HMGN4: variants seen among roughly 807,000 people sequenced by gnomAD.
HMGN4 encodes high mobility group nucleosomal binding domain 4.
For synonymous variants in HMGN4, 39 were observed against 39.1 expected (o/e 1.00, Z 0.01); for missense variants, 69 against 104.9 (o/e 0.66, Z 1.49).
rs979398001 is a variant in HMGN4 at position 26,545,885 on chromosome 6, C to G, written c.*406C>G. 1 of 167,538 alleles carries G rather than the reference C, an allele frequency of 6.0e-6. No individual in the cohort carries two copies. The highest frequency in any genetic ancestry group is 1.5e-5 in the Non-Finnish European group (1 of 68,490). The allele number at this position is 167,538 out of a possible 1,614,324, so 10.4% of individuals were successfully genotyped here. A position where few individuals can be genotyped will look rare whatever the true frequency, so the allele number is the denominator to read the frequency against. On this transcript the variant is annotated 3_prime_UTR_variant, in exon 2 of 2. Coordinates refer to ENST00000377575, the MANE Select transcript of HMGN4 (RefSeq NM_006353.3). ...ACCGAGAGTTTTGATGTGGCCTTGG[C>G]AACCCTAAAATCAGCTGTGTTAGGT...
chr6:26,541,594 A>T (rs1471147012), intron 1 of HMGN4, among the ~76,000 whole-genome samples: 1 of 152,012 alleles, frequency 6.6e-6, no homozygotes, highest in Admixed American at 6.6e-5. Context: ...TAAGTACACC[A>T]GTAATATTGA....
chr6:26,545,562 G>A lies in HMGN4; in HGVS notation c.*83G>A. 7.2e-7 allele frequency: 1 copy of A among 1,394,708 alleles called. No homozygotes were observed. Among genetic ancestry groups the A allele is most frequent in the Non-Finnish European group, 9.6e-7 (1 of 1,047,054 alleles). The allele number at this position is 1,394,708 out of a possible 1,614,324, so 86.4% of individuals were successfully genotyped here. A position where few individuals can be genotyped will look rare whatever the true frequency, so the allele number is the denominator to read the frequency against. ...TTTTTAAATCAAGTTTTATAAAAGTGTAGAATTTTGGCTTTTTTAAGTTAT... is the reference window on the plus strand; with the variant it reads ...TTTTTAAATCAAGTTTTATAAAAGTATAGAATTTTGGCTTTTTTAAGTTAT... On this transcript the variant is annotated 3_prime_UTR_variant, in exon 2 of 2. Coordinates refer to ENST00000377575, the MANE Select transcript of HMGN4 (RefSeq NM_006353.3).
At chr6:26,539,634 T>TAAAAAAAAAAAAAAAAAAAAAAAAA (rs61003052) in intron 1 of HMGN4, among the ~76,000 whole-genome samples, 1 of 125,194 alleles carries the variant, frequency 8.0e-6, no homozygotes, top group Non-Finnish European at 1.6e-5. Context: ...TCCGCAAAAT[T>TAAAAAAAAAAAAAAAAAAAAAAAAA]AAAAAAAAAA....
At chr6:26,544,570 A>T (rs12189841) in intron 1 of HMGN4, among the ~76,000 whole-genome samples, 11,241 of 152,130 alleles carry the variant, frequency 0.074, 701 homozygotes, top group Non-Finnish European at 0.099. Flanking sequence ...ACCTCCAAGA[A>T]TCCCTCTAAG....
rs1764341312 is a variant in HMGN4 at position 26,545,695 on chromosome 6, C to T, written c.*216C>T. 3.2e-6 allele frequency: 1 copy of T among 313,950 alleles called. No individual in the cohort carries two copies. The highest frequency in any genetic ancestry group is 2.2e-5 in the African/African-American group (1 of 46,320). 19.4% of individuals were successfully genotyped at this position (313,950 alleles called of 1,614,324 possible). On this transcript the variant is annotated 3_prime_UTR_variant, in exon 2 of 2. Coordinates refer to ENST00000377575, the MANE Select transcript of HMGN4 (RefSeq NM_006353.3). ...TTGAAATAAGGGAAAATAGGATTTT[C>T]TGTCCTGGTTTTTGAAGATTGTTCT...
chr6:26,540,908 G>A (rs1764280969), intron 1 of HMGN4, among the ~76,000 whole-genome samples: 1 of 152,154 alleles, frequency 6.6e-6, no homozygotes, highest in Non-Finnish European at 1.5e-5. Flanking sequence ...CTAGGGATGA[G>A]GTGAAAATGA....
intron 1 of HMGN4, among the ~76,000 whole-genome samples, chr6:26,544,602 G>C (rs777368128): frequency 6.6e-6 from 1 of 152,138 alleles, no homozygotes. Context: ...AAGTAAAATT[G>C]CTTTACACAA....
intron 1 of HMGN4, among the ~76,000 whole-genome samples, chr6:26,541,728 T>G (rs570245774): frequency 6.6e-6 from 1 of 152,346 alleles, no homozygotes; most frequent in African/African-American, 2.4e-5. Flanking sequence ...ATGCAAGTCT[T>G]CATGCTAACA....
At chr6:26,539,391 TC>T (rs1216899213) in intron 1 of HMGN4, among the ~76,000 whole-genome samples, 1 of 152,102 alleles carries the variant, frequency 6.6e-6, no homozygotes, top group Admixed American at 6.5e-5. Context: ...TGCCTCAGGC[TC>T]CCGAGCAGCT....
chr6:26,542,849 C>T lies in HMGN4; in HGVS notation c.-80-2278C>T, dbSNP rs568051146. Among the ~76,000 whole-genome samples, 19 of 152,256 alleles carry T rather than the reference C, an allele frequency of 1.2e-4. 1 individual carries two copies. In the East Asian group the frequency reaches 2.3e-3, roughly 19 times the overall value. On this transcript the variant is annotated intron_variant, in intron 1 of 1. Transcript: ENST00000377575. This position sits in a 1 kb window ranked among gnomAD's most constrained non-coding sequence, Gnocchi z 4.6. ...CCTTTGACATGTGGAGATCATGGCCCCCCTACTTCGGATGGACTTCAATGG... is the reference window on the plus strand; with the variant it reads ...CCTTTGACATGTGGAGATCATGGCCTCCCTACTTCGGATGGACTTCAATGG...
In HMGN4 at chr6:26,546,905, T is replaced by C. The variant is rs544641859; in HGVS notation, c.*1426T>C. ...TTCATTTACTTAGGCCTTTGAAATA[T>C]CTTTCAATAAAGTTTATAATTTTCT... On this transcript the variant is annotated 3_prime_UTR_variant, in exon 2 of 2. Transcript: ENST00000377575. Among the ~76,000 whole-genome samples, 17 of 152,378 alleles carry C rather than the reference T, an allele frequency of 1.1e-4. No homozygotes were observed. Among genetic ancestry groups the C allele is most frequent in the Admixed American group, 1.1e-3 (17 of 15,312 alleles).
At chr6:26,538,840 G>A (rs1328891663) in intron 1 of HMGN4, among the ~76,000 whole-genome samples, 1 of 152,178 alleles carries the variant, frequency 6.6e-6, no homozygotes, top group Non-Finnish European at 1.5e-5. Flanking sequence ...GCAGGGCTGT[G>A]GCCTTAAAGA....
chr6:26,541,146 A>G (rs1179237039), intron 1 of HMGN4, among the ~76,000 whole-genome samples: 1 of 152,098 alleles, frequency 6.6e-6, no homozygotes, highest in Admixed American at 6.5e-5. Flanking sequence ...TCCCGGGTTC[A>G]AGCAATTCTC....
At chr6:26,543,322 C>T (rs1764308237) in intron 1 of HMGN4, among the ~76,000 whole-genome samples, 1 of 148,240 alleles carries the variant, frequency 6.7e-6, no homozygotes, top group African/African-American at 2.5e-5. Flanking sequence ...CAAAAATTAG[C>T]AATAAATTCA....
At chr6:26,543,303 G>A (rs1011073069) in intron 1 of HMGN4, among the ~76,000 whole-genome samples, 3 of 151,664 alleles carry the variant, frequency 2.0e-5, no homozygotes, top group Admixed American at 1.3e-4. Flanking sequence ...TGAAATAAAG[G>A]GAAAAAGACA....
chr6:26,541,004 T>G (rs1446513471), intron 1 of HMGN4, among the ~76,000 whole-genome samples: 1 of 152,206 alleles, frequency 6.6e-6, no homozygotes, highest in African/African-American at 2.4e-5. Flanking sequence ...GAGAGCTGGG[T>G]GAGACCCCCA....
At position 26,546,490 on chromosome 6, in the gene HMGN4, T is replaced by C. The variant is rs1764352253; in HGVS notation, c.*1011T>C. Among the ~76,000 whole-genome samples, 1 of 152,234 alleles carries C rather than the reference T, an allele frequency of 6.6e-6. No individual in the cohort carries two copies. The highest frequency in any genetic ancestry group is 1.5e-5 in the Non-Finnish European group (1 of 68,054). Reference sequence around the variant, plus strand: ...CACTGCCTCTTTCATAAATTAAATTTTTGTGTATGTGTGTGGGTCTTTTGA... The same window carrying C: ...CACTGCCTCTTTCATAAATTAAATTCTTGTGTATGTGTGTGGGTCTTTTGA... On this transcript the variant is annotated 3_prime_UTR_variant, in exon 2 of 2. Coordinates refer to ENST00000377575, the MANE Select transcript of HMGN4 (RefSeq NM_006353.3).
At chr6:26,539,391 T>C (rs1278446468) in intron 1 of HMGN4, among the ~76,000 whole-genome samples, 1 of 152,102 alleles carries the variant, frequency 6.6e-6, no homozygotes, top group Non-Finnish European at 1.5e-5. Flanking sequence ...TGCCTCAGGC[T>C]CCCGAGCAGC....
rs945416610 is a variant in HMGN4 at position 26,542,040 on chromosome 6, T to C, written c.-80-3087T>C. 6.6e-6 allele frequency among the ~76,000 whole-genome samples: 1 copy of C among 152,248 alleles called. No homozygotes were observed. The highest frequency in any genetic ancestry group is 1.5e-5 in the Non-Finnish European group (1 of 68,044). On this transcript the variant is annotated intron_variant, in intron 1 of 1. Coordinates refer to ENST00000377575, the MANE Select transcript of HMGN4 (RefSeq NM_006353.3). The surrounding 1 kb of genome is among the most constrained non-coding windows in gnomAD (Gnocchi z 4.6). ...GCCCTGATGATACCATTGAAAGTCA[T>C]TTCTCTATGTTTCCAAAAGTTGTAC...
Sources: gnomAD v4.1 joint callset for allele counts (sites outside exome capture counted in the v4.1 genomes callset) on GRCh38, gnomAD v4.1.1 for gene constraint, Gnocchi (gnomAD v3.1) non-coding constraint, MANE v1.5 for transcripts, NCBI Gene and HGNC (gene_info 2026-07-23, HGNC 2026-07-21) for gene names.